The following MITF variants were observed in gnomAD, a reference collection of about 807,000 sequenced individuals.
The protein encoded by MITF is microphthalmia-associated transcription factor.
Under a neutral mutation model 60.5 loss-of-function variants are expected in MITF, and 17 were observed. The ratio of observed to expected loss-of-function variants is 0.28; its 90% CI spans 0.19 to 0.42. The LOEUF (loss-of-function observed/expected upper bound fraction) is 0.42. Among genes scored for constraint, MITF ranks in the 10% least tolerant of loss-of-function variants. MITF has a pLI of 1.00. For synonymous variants in MITF, 260 were observed against 248.5 expected (o/e 1.05, Z -0.43); for missense variants, 622 against 683.5 (o/e 0.91, Z 1.00).
chr3:69,740,115 G>T (rs1285460009), intron 1 of MITF, among the ~76,000 whole-genome samples: 1 of 152,192 alleles, frequency 6.6e-6, no homozygotes, highest in Non-Finnish European at 1.5e-5. Context: ...CCAGCGGGTT[G>T]AGGGCTCGGA....
chr3:69,807,398 T>C (rs564030019), intron 1 of MITF, among the ~76,000 whole-genome samples: 5 of 152,360 alleles, frequency 3.3e-5, no homozygotes, highest in African/African-American at 1.2e-4. Flanking sequence ...ACTGCTTTGA[T>C]GGAATTAATG....
intron 2 of MITF, among the ~76,000 whole-genome samples, chr3:69,900,207 C>T (rs562350596): frequency 1.3e-5 from 2 of 152,186 alleles, no homozygotes; most frequent in Admixed American, 1.3e-4. Flanking sequence ...CTTCTAATCA[C>T]AGAGAGTGGG....
chr3:69,879,066 C>A (rs2064419698), intron 1 of MITF, 68 bp from the exon 2 acceptor site: 2 of 1,305,404 alleles, frequency 1.5e-6, no homozygotes, highest in Non-Finnish European at 2.2e-6. Context: ...ATTTAGGATA[C>A]CCCCAAAGTG....
intron 7 of MITF, among the ~76,000 whole-genome samples, chr3:69,953,866 T>C (rs2066330682): frequency 6.6e-6 from 1 of 152,062 alleles, no homozygotes; most frequent in Non-Finnish European, 1.5e-5. Flanking sequence ...CAGAATAATA[T>C]GTATAATATC....
chr3:69,793,552 A>ATAGCATGCACCCTCTCCCAATGCTC (rs1559633677), intron 1 of MITF, among the ~76,000 whole-genome samples: 145 of 151,912 alleles, frequency 9.5e-4, no homozygotes, highest in East Asian at 2.3e-3. Context: ...CCCAATGCTC[A>ATAGCATGCACCCTCTCCCAATGCTC]AGTTATGATG....
At chr3:69,789,527 T>G (rs2062705207) in intron 1 of MITF, among the ~76,000 whole-genome samples, 2 of 152,228 alleles carry the variant, frequency 1.3e-5, no homozygotes, top group East Asian at 3.9e-4. Flanking sequence ...TCTTGTGCAC[T>G]GTTGGTGGGA....
At chr3:69,952,439 T>C (rs1468089032) in intron 7 of MITF, among the ~76,000 whole-genome samples, 24 of 152,182 alleles carry the variant, frequency 1.6e-4, no homozygotes, top group Admixed American at 1.4e-3. Flanking sequence ...CTCCTACGAA[T>C]ACTTTAATTT....
At chr3:69,959,132 C>A in intron 8 of MITF, 141 bp from the exon 9 acceptor site, 1 of 997,612 alleles carries the variant, frequency 1.0e-6, no homozygotes, top group South Asian at 1.7e-5. Context: ...TCCATGTAAC[C>A]AAGCACCACC....
At chr3:69,912,023 G>T (rs2065235384) in intron 2 of MITF, among the ~76,000 whole-genome samples, 1 of 152,210 alleles carries the variant, frequency 6.6e-6, no homozygotes, top group African/African-American at 2.4e-5. Context: ...CCATCAATAA[G>T]GGAGTAGATT....
intron 1 of MITF, among the ~76,000 whole-genome samples, chr3:69,745,279 C>A (rs982876967): frequency 6.6e-6 from 1 of 152,162 alleles, no homozygotes. Flanking sequence ...TAGCTACATG[C>A]TCTTGTCCTC....
intron 1 of MITF, among the ~76,000 whole-genome samples, chr3:69,810,112 AC>A (rs771451415): frequency 3.3e-5 from 5 of 152,058 alleles, no homozygotes; most frequent in African/African-American, 4.8e-5. Flanking sequence ...ACGCTCATCT[AC>A]CCTTGGTCCT....
chr3:69,913,684 G>A (rs2107397048), intron 2 of MITF, among the ~76,000 whole-genome samples: 1 of 152,250 alleles, frequency 6.6e-6, no homozygotes, highest in South Asian at 2.1e-4. Context: ...GGACAGGAAG[G>A]GAGAGCCAGG....
rs140533254 is a variant in MITF at position 69,946,933 on chromosome 3, A to G, written c.763-2118A>G. ...GCTCTTTGTCTCCCCCACCCTGTCC[A>G]TCTCGCTGTCTATGGCAGAAAGCAT... On this transcript the variant is annotated intron_variant, in intron 5 of 9. Coordinates refer to ENST00000352241, the MANE Select transcript of MITF (RefSeq NM_001354604.2). 1.4e-3 allele frequency among the ~76,000 whole-genome samples: 210 copies of G among 151,942 alleles called. 3 individuals are homozygous for G. In the East Asian group the frequency reaches 0.033, roughly 24 times the overall value.
chr3:69,836,787 A>C (rs960351052), intron 1 of MITF, among the ~76,000 whole-genome samples: 1 of 152,194 alleles, frequency 6.6e-6, no homozygotes, highest in Non-Finnish European at 1.5e-5. Flanking sequence ...GGTTGTATCA[A>C]CAGAAAACTG....
chr3:69,919,225 C>T (rs1370209325), intron 2 of MITF, among the ~76,000 whole-genome samples: 1 of 152,128 alleles, frequency 6.6e-6, no homozygotes, highest in African/African-American at 2.4e-5. Context: ...AAACCACTTG[C>T]CATTTTGCTA....
At chr3:69,833,075 CGTATGTGGTTGTTTCCCTGTTTATACT>C (rs1559659914) in intron 1 of MITF, among the ~76,000 whole-genome samples, 4 of 146,244 alleles carry the variant, frequency 2.7e-5, no homozygotes, top group African/African-American at 1.0e-4. Context: ...CTATTTATGC[CGTATGTGGTTGTTTCCCTGTTTATACT>C]GTATGTGGTT....
chr3:69,789,065 A>G (rs1439399993), intron 1 of MITF, among the ~76,000 whole-genome samples: 1 of 152,204 alleles, frequency 6.6e-6, no homozygotes, highest in East Asian at 1.9e-4. Context: ...CACCAAAAGC[A>G]CAGGCAACAA....
intron 1 of MITF, among the ~76,000 whole-genome samples, chr3:69,813,696 T>C (rs1199778551): frequency 1.3e-5 from 2 of 152,330 alleles, no homozygotes; most frequent in East Asian, 3.9e-4. Flanking sequence ...AATACCGTTC[T>C]TTTTAACAAC....
chr3:69,860,338 G>A lies in MITF; in HGVS notation c.105-18796G>A, dbSNP rs146360320. On this transcript the variant is annotated intron_variant, in intron 1 of 9. Coordinates refer to ENST00000352241, the MANE Select transcript of MITF (RefSeq NM_001354604.2). ...AAATTCACTTTAGGCTGGGCGCGGT[G>A]GCTCACGCCTGTAATCCCAGCACTT... Among the ~76,000 whole-genome samples, 1,344 of 152,276 alleles carry A rather than the reference G, an allele frequency of 8.8e-3. 17 individuals are homozygous for A. The highest frequency in any genetic ancestry group is 0.029 in the African/African-American group (1,224 of 41,564).
Sources: gnomAD v4.1 joint callset for allele counts (sites outside exome capture counted in the v4.1 genomes callset) on GRCh38, gnomAD v4.1.1 for gene constraint, MANE v1.5 for transcripts, NCBI Gene and HGNC (gene_info 2026-07-23, HGNC 2026-07-21) for gene names.